The following TMPRSS15 variants were observed in gnomAD, a reference collection of about 807,000 sequenced individuals.
TMPRSS15 encodes the protein enteropeptidase.
Under a neutral mutation model 125.3 loss-of-function variants are expected in TMPRSS15, and 128 were observed. The ratio of observed to expected loss-of-function variants is 1.02; its 90% confidence interval spans 0.89 to 1.18. The LOEUF (loss-of-function observed/expected upper bound fraction) is 1.18, where lower values mean the gene tolerates loss of function less well. TMPRSS15 is among the 50% of genes most tolerant of loss of function. TMPRSS15 has a pLI of 0.00. For synonymous variants in TMPRSS15, 446 were observed against 423.2 expected (o/e 1.05, Z -0.66); for missense variants, 1,283 against 1,212.7 (o/e 1.06, Z -0.86).
At chr21:18,291,538 T>A (rs1175648212) in intron 21 of TMPRSS15, among the ~76,000 whole-genome samples, 1 of 152,210 alleles carries the variant, frequency 6.6e-6, no homozygotes, top group Non-Finnish European at 1.5e-5. Context: ...AAGCCACTTG[T>A]GTGGCATGAG....
intron 1 of TMPRSS15, among the ~76,000 whole-genome samples, chr21:18,431,700 CAT>C (rs2076216789): frequency 6.6e-6 from 1 of 152,050 alleles, no homozygotes; most frequent in Non-Finnish European, 1.5e-5. Flanking sequence ...AATGATTTCT[CAT>C]ATGCATAAAA....
intron 10 of TMPRSS15, among the ~76,000 whole-genome samples, chr21:18,350,253 T>C (rs1259757678): frequency 6.6e-6 from 1 of 152,160 alleles, no homozygotes; most frequent in Non-Finnish European, 1.5e-5. Flanking sequence ...AGATTAATTA[T>C]GTATGAGAGT....
At chr21:18,452,220 A>T (rs1328014548) in intron 1 of TMPRSS15, among the ~76,000 whole-genome samples, 1 of 152,148 alleles carries the variant, frequency 6.6e-6, no homozygotes, top group African/African-American at 2.4e-5. Context: ...AAACTTAGGG[A>T]TTCCTTGAGT....
At chr21:18,394,761 T>TA (rs376872916) in intron 3 of TMPRSS15, among the ~76,000 whole-genome samples, 2 of 152,220 alleles carry the variant, frequency 1.3e-5, no homozygotes, top group South Asian at 2.1e-4. Context: ...ATCTAAATGA[T>TA]AAAAAAGCCC....
At chr21:18,295,609 T>G (rs1196972800) in intron 19 of TMPRSS15, among the ~76,000 whole-genome samples, 1 of 152,208 alleles carries the variant, frequency 6.6e-6, no homozygotes, top group African/African-American at 2.4e-5. Context: ...GGAAAATATA[T>G]GATAAAGTTT....
chr21:18,440,505 TA>T (rs1342422285), intron 1 of TMPRSS15, among the ~76,000 whole-genome samples: 3 of 151,926 alleles, frequency 2.0e-5, no homozygotes, highest in African/African-American at 7.3e-5. Flanking sequence ...AACTATTTCA[TA>T]AATCGATGTG....
chr21:18,313,996 C>T (rs1601319695), intron 17 of TMPRSS15, among the ~76,000 whole-genome samples: 1 of 152,018 alleles, frequency 6.6e-6, no homozygotes. Flanking sequence ...AATTTTAAGG[C>T]CATTAGTGGC....
intron 7 of TMPRSS15, among the ~76,000 whole-genome samples, chr21:18,360,610 A>C (rs2075671322): frequency 6.6e-6 from 1 of 152,042 alleles, no homozygotes. Context: ...CATATATGTG[A>C]GGCTTTATAG....
intron 6 of TMPRSS15, among the ~76,000 whole-genome samples, chr21:18,366,721 C>T (rs1052118580): frequency 6.6e-6 from 1 of 151,994 alleles, no homozygotes; most frequent in African/African-American, 2.4e-5. Context: ...TACAATGTGT[C>T]TTTTTCTCTG....
At chr21:18,306,300 C>G (rs79847953) in intron 18 of TMPRSS15, among the ~76,000 whole-genome samples, 1,698 of 152,246 alleles carry the variant, frequency 0.011, 23 homozygotes, top group African/African-American at 0.038. Flanking sequence ...GGTTCTATTT[C>G]CAGTGTTCCG....
At chr21:18,410,116 A>ATTT (rs71191404) in intron 1 of TMPRSS15, among the ~76,000 whole-genome samples, 13 of 138,644 alleles carry the variant, frequency 9.4e-5, no homozygotes, top group South Asian at 4.7e-4. Context: ...CTGGATATGC[A>ATTT]TTTTTTTTTT....
In TMPRSS15 at chr21:18,471,734, A is replaced by G. The variant is rs564988934; in HGVS notation, c.10+14065T>C. On this transcript the variant is annotated intron_variant, in intron 1 of 7. Coordinates refer to the TMPRSS15 transcript ENST00000422787. ...TGTGAAAATTCTGCATGCCCATACC[A>G]TAGGCAAAATCAATGCAAAAAGTTG... Among the ~76,000 whole-genome samples the G allele has an allele frequency of 1.7e-3, 254 of 152,254 alleles. 13 individuals carry two copies. In the South Asian group the frequency reaches 0.051, roughly 30 times the overall value.
intron 16 of TMPRSS15, among the ~76,000 whole-genome samples, chr21:18,320,877 T>C (rs1201378149): frequency 6.6e-6 from 1 of 152,214 alleles, no homozygotes; most frequent in Non-Finnish European, 1.5e-5. Flanking sequence ...TTCTGATAGT[T>C]TTATGCCCAT....
chr21:18,292,380 T>A (rs1439229598), intron 21 of TMPRSS15, among the ~76,000 whole-genome samples: 2 of 152,200 alleles, frequency 1.3e-5, no homozygotes, highest in African/African-American at 4.8e-5. Flanking sequence ...TTCCTTCCTG[T>A]GTGAGATCCA....
intron 3 of TMPRSS15, among the ~76,000 whole-genome samples, chr21:18,396,814 C>T (rs1036981632): frequency 1.4e-4 from 20 of 142,686 alleles, no homozygotes; most frequent in African/African-American, 5.2e-4. Context: ...GTCTGTCTAT[C>T]TATCTATCTA....
At chr21:18,443,652 T>C (rs1370752066) in intron 1 of TMPRSS15, among the ~76,000 whole-genome samples, 1 of 152,152 alleles carries the variant, frequency 6.6e-6, no homozygotes, top group African/African-American at 2.4e-5. Flanking sequence ...AACAATAAGA[T>C]TGCTCCACCT....
chr21:18,312,829 A>C (rs2075115452), intron 18 of TMPRSS15, 116 bp downstream of exon 18: 1 of 1,327,854 alleles, frequency 7.5e-7, no homozygotes, highest in East Asian at 2.5e-5. Context: ...CCTTTTGCTA[A>C]TGTGTATTTT....
intron 21 of TMPRSS15, among the ~76,000 whole-genome samples, chr21:18,284,613 G>C: frequency 6.6e-6 from 1 of 152,158 alleles, no homozygotes; most frequent in South Asian, 2.1e-4. Flanking sequence ...CTCTTTTCTA[G>C]TAAAGGAAGG....
chr21:18,358,390 A>G (rs972844118), intron 8 of TMPRSS15, among the ~76,000 whole-genome samples: 1 of 151,910 alleles, frequency 6.6e-6, no homozygotes, highest in Non-Finnish European at 1.5e-5. Context: ...GGTAAAGTTT[A>G]TTAATGTCAC....
Sources: gnomAD v4.1 joint callset for allele counts (sites outside exome capture counted in the v4.1 genomes callset) on GRCh38, gnomAD v4.1.1 for gene constraint, MANE v1.5 for transcripts, NCBI Gene and HGNC (gene_info 2026-07-23, HGNC 2026-07-21) for gene names.